NCALD: variants seen among roughly 807,000 people sequenced by gnomAD.
NCALD encodes neurocalcin delta, also known as neurocalcin-delta.
A neutral mutation model predicts 18.6 loss-of-function variants in NCALD; 10 were observed. The observed-to-expected ratio is 0.54, with a 90% CI of 0.33 to 0.91. The LOEUF (loss-of-function observed/expected upper bound fraction) is 0.91, where lower values mean the gene tolerates loss of function less well. Ranked by LOEUF, NCALD falls within the 40% of genes least tolerant of loss-of-function variation. NCALD has a pLI of 0.03. For missense variants in NCALD, 184 were observed against 247.6 expected (o/e 0.74, Z 1.72); for synonymous variants, 88 against 87.4 (o/e 1.01, Z -0.04).
At chr8:102,083,335 C>T (rs564998244) in intron 1 of NCALD, among the ~76,000 whole-genome samples, 159 of 152,318 alleles carry the variant, frequency 1.0e-3, no homozygotes, top group African/African-American at 3.7e-3. Flanking sequence ...TGGCAATAAG[C>T]AGACCATTCT....
intron 1 of NCALD, among the ~76,000 whole-genome samples, chr8:102,054,644 C>G (rs1033349138): frequency 1.3e-5 from 2 of 149,980 alleles, no homozygotes. Flanking sequence ...TCTGATATGT[C>G]TCTCTCTTTC....
Position 102,088,467 on chromosome 8 carries a change from C to T in NCALD, c.-210+35770G>A, listed in dbSNP as rs1267698348. On this transcript the variant is annotated intron_variant, in intron 1 of 6. Transcript: ENST00000311028. ...TTTAAAGACTGCTATGGTTAAAAGT[C>T]AGCTTAATTAAAAGTGGGTATTCAA... is the stretch of plus-strand genomic sequence containing the variant. 2.0e-5 allele frequency among the ~76,000 whole-genome samples: 3 copies of T among 151,426 alleles called. No individual in the cohort carries two copies. The East Asian group carries it at 5.8e-4, about 29-fold the overall frequency.
At chr8:102,008,474 TAAAAAAA>T (rs34867950) in intron 2 of NCALD, among the ~76,000 whole-genome samples, 1 of 133,364 alleles carries the variant, frequency 7.5e-6, no homozygotes, top group African/African-American at 2.8e-5. Flanking sequence ...TAAAGGCAGT[TAAAAAAA>T]AAAAAAAAAA....
At chr8:101,703,491 C>A (rs889331814) in intron 2 of NCALD, among the ~76,000 whole-genome samples, 2 of 151,996 alleles carry the variant, frequency 1.3e-5, no homozygotes, top group African/African-American at 4.8e-5. Context: ...TGAATCTATC[C>A]CCTCCCACCC....
intron 1 of NCALD, among the ~76,000 whole-genome samples, chr8:102,120,281 C>T (rs558352202): frequency 1.3e-5 from 2 of 152,308 alleles, no homozygotes; most frequent in South Asian, 2.1e-4. Flanking sequence ...AACACCCCTG[C>T]TCCTATTTCT....
intron 2 of NCALD, among the ~76,000 whole-genome samples, chr8:101,985,525 G>A (rs938439243): frequency 2.0e-5 from 3 of 152,134 alleles, no homozygotes; most frequent in Non-Finnish European, 2.9e-5. Context: ...GAGAGATGAG[G>A]CAGATTCTAT....
intron 1 of NCALD, among the ~76,000 whole-genome samples, chr8:102,100,079 GA>G (rs202036771): frequency 3.3e-5 from 5 of 149,618 alleles, no homozygotes; most frequent in Admixed American, 6.6e-5. Context: ...AATACTCACT[GA>G]AAAAAAAATC....
intron 1 of NCALD, among the ~76,000 whole-genome samples, chr8:101,740,069 T>C (rs78755250): frequency 0.024 from 3,659 of 152,332 alleles, 149 homozygotes; most frequent in African/African-American, 0.084. Flanking sequence ...GAAGAAATTA[T>C]TAAAACCCAA....
chr8:101,801,533 G>T (rs546108895), intron 4 of NCALD, among the ~76,000 whole-genome samples: 1 of 148,340 alleles, frequency 6.7e-6, no homozygotes, highest in Admixed American at 6.7e-5. Context: ...TTAAAGCTAG[G>T]AATCAATATT....
intron 1 of NCALD, among the ~76,000 whole-genome samples, chr8:102,118,756 C>T (rs190162434): frequency 4.0e-4 from 61 of 152,250 alleles, no homozygotes; most frequent in African/African-American, 1.3e-3. Context: ...CCCTCTCTAA[C>T]GTCCAAACCT....
chr8:102,123,097 C>T (rs1825990209), intron 1 of NCALD, among the ~76,000 whole-genome samples: 1 of 152,266 alleles, frequency 6.6e-6, no homozygotes, highest in Non-Finnish European at 1.5e-5. Flanking sequence ...AAAAACCTCA[C>T]AAGCATTTCC....
intron 1 of NCALD, among the ~76,000 whole-genome samples, chr8:102,102,335 C>T (rs183270813): frequency 2.0e-5 from 3 of 152,308 alleles, no homozygotes; most frequent in Non-Finnish European, 2.9e-5. Flanking sequence ...AAGCAATTAG[C>T]GCAGAGACGG....
At chr8:101,768,852 C>T (rs1811465489) in intron 1 of NCALD, among the ~76,000 whole-genome samples, 1 of 152,134 alleles carries the variant, frequency 6.6e-6, no homozygotes, top group South Asian at 2.1e-4. Context: ...TATTCACATC[C>T]TAATCCCTGA....
At chr8:101,865,657 G>A (rs1362590188) in intron 4 of NCALD, among the ~76,000 whole-genome samples, 2 of 142,580 alleles carry the variant, frequency 1.4e-5, no homozygotes, top group African/African-American at 6.1e-5. Context: ...TTGTGCATAT[G>A]ATATTTCTTC....
chr8:101,829,981 T>C (rs2131237919), intron 4 of NCALD, among the ~76,000 whole-genome samples: 1 of 151,414 alleles, frequency 6.6e-6, no homozygotes, highest in East Asian at 1.9e-4. Flanking sequence ...TGGGTTTTTT[T>C]TTTTTTTTTT....
intron 2 of NCALD, among the ~76,000 whole-genome samples, chr8:102,000,333 ACCCGCCATTGCCGAGGGGTG>A (rs1221788995): frequency 6.6e-6 from 1 of 150,990 alleles, no homozygotes; most frequent in East Asian, 2.0e-4. Flanking sequence ...GGGGAGGGGT[ACCCGCCATTGCCGAGGGGTG>A]CCCGCCATTC....
chr8:102,013,996 G>A (rs16868879), intron 2 of NCALD, among the ~76,000 whole-genome samples: 4,229 of 152,232 alleles, frequency 0.028, 100 homozygotes, highest in East Asian at 0.089. Context: ...CAGAGGAATG[G>A]GTCCTTGCTA....
At chr8:101,886,594 T>G (rs1477736185) in intron 4 of NCALD, among the ~76,000 whole-genome samples, 1 of 152,226 alleles carries the variant, frequency 6.6e-6, no homozygotes, top group Non-Finnish European at 1.5e-5. Flanking sequence ...GAGACTCATA[T>G]CAACAAATTA....
chr8:102,012,257 T>C (rs1148513), intron 2 of NCALD, among the ~76,000 whole-genome samples: 4,356 of 152,288 alleles, frequency 0.029, 86 homozygotes, highest in Non-Finnish European at 0.045. Context: ...CTGATTCTCC[T>C]ACAAATGTAA....
Sources: allele counts gnomAD v4.1 joint callset (sites outside exome capture counted in the v4.1 genomes callset), GRCh38; gene constraint gnomAD v4.1.1; transcripts MANE v1.5; gene names NCBI Gene and HGNC (gene_info 2026-07-23, HGNC 2026-07-21).